MAGED1: variants seen among roughly 807,000 people sequenced by gnomAD.
MAGED1 encodes MAGE family member D1.
A neutral mutation model predicts 54.1 loss-of-function variants in MAGED1; 3 were observed. The ratio of observed to expected loss-of-function variants is 0.06; its 90% confidence interval spans 0.03 to 0.14. MAGED1 has a LOEUF of 0.14. Ranked by LOEUF, MAGED1 falls within the 10% of genes least tolerant of loss-of-function variation. The pLI is 1.00. For synonymous variants in MAGED1, 217 were observed against 227.3 expected, an observed-to-expected ratio of 0.95 and a Z score of 0.41; for missense variants, 485 against 623.4, an observed-to-expected ratio of 0.78 and a Z score of 2.36.
At chrX:51,854,586 G>A (rs1471732463) in intron 1 of MAGED1, among the ~76,000 whole-genome samples, 1 of 111,552 alleles carries the variant, frequency 9.0e-6, no homozygotes, top group Non-Finnish European at 1.9e-5. Flanking sequence ...AAAATGTTGG[G>A]CAAGTCAGCT....
At chrX:51,835,173 C>A (rs1926201882) in intron 1 of MAGED1, among the ~76,000 whole-genome samples, 1 of 111,264 alleles carries the variant, frequency 9.0e-6, no homozygotes, top group Admixed American at 9.6e-5. Flanking sequence ...TGTTAAATCC[C>A]AATAAAGCTG....
At chrX:51,839,378 C>G (rs1339350101) in intron 1 of MAGED1, among the ~76,000 whole-genome samples, 2 of 111,726 alleles carry the variant, frequency 1.8e-5, no homozygotes, top group African/African-American at 6.5e-5. Flanking sequence ...TCCTCCTGTC[C>G]TATGTGTACA....
chrX:51,817,314 C>G (rs902458172), intron 1 of MAGED1, among the ~76,000 whole-genome samples: 7 of 111,732 alleles, frequency 6.3e-5, no homozygotes, highest in African/African-American at 2.3e-4. Flanking sequence ...ATTAACAACC[C>G]AATTTGGCTT....
At chrX:51,852,078 A>G (rs1451624900) in intron 1 of MAGED1, among the ~76,000 whole-genome samples, 4 of 111,920 alleles carry the variant, frequency 3.6e-5, no homozygotes, top group African/African-American at 1.3e-4. Context: ...AGGGACCGCT[A>G]GAAAATAATC....
Position 51,894,326 on chromosome X carries a change from G to A in MAGED1, c.22G>A (p.Gly8Ser), listed in dbSNP as rs1928593361. Reference protein sequence around the residue: MAQKMDCGAGLLGFQAEA... With the variant: MAQKMDCSAGLLGFQAEA... ...AGCCATGGCTCAGAAAATGGACTGT[G>A]GTGCGGGCCTCCTCGGCTTCCAGGT... The change falls in exon 2 of 13, where the codon GGT becomes AGT. Residue 8 changes from glycine (G) to serine (S), a missense_variant. By Grantham distance (56) the Gly-to-Ser change is moderately conservative. Transcript: ENST00000326587. 1.7e-6 allele frequency: 2 copies of A among 1,201,436 alleles called. No homozygotes were observed. Among genetic ancestry groups the A allele is most frequent in the South Asian group, 1.8e-5 (1 of 55,062 alleles).
At chrX:51,877,676 T>A (rs1187468254) in intron 1 of MAGED1, among the ~76,000 whole-genome samples, 5 of 111,763 alleles carry the variant, frequency 4.5e-5, no homozygotes, top group African/African-American at 1.6e-4. Context: ...CACGTTATCA[T>A]AAAGAATTTT....
At chrX:51,831,629 TATAA>T (rs1162523121) in intron 1 of MAGED1, among the ~76,000 whole-genome samples, 1 of 111,490 alleles carries the variant, frequency 9.0e-6, no homozygotes, top group Non-Finnish European at 1.9e-5. Context: ...TAAATTAAAT[TATAA>T]ATAAATAAAT....
chrX:51,838,112 T>C (rs1466411554), intron 1 of MAGED1, among the ~76,000 whole-genome samples: 1 of 112,314 alleles, frequency 8.9e-6, no homozygotes, highest in Non-Finnish European at 1.9e-5. Flanking sequence ...CCCATGAGTT[T>C]TGTTGGCTGC....
intron 1 of MAGED1, among the ~76,000 whole-genome samples, chrX:51,806,650 T>C (rs1046583062): frequency 8.9e-6 from 1 of 112,032 alleles, no homozygotes; most frequent in African/African-American, 3.2e-5. Flanking sequence ...TACATGTCTT[T>C]TGGTGATATA....
chrX:51,846,563 C>T (rs1926693439), intron 1 of MAGED1, among the ~76,000 whole-genome samples: 1 of 111,513 alleles, frequency 9.0e-6, no homozygotes, highest in Non-Finnish European at 1.9e-5. Flanking sequence ...TAGAGAAATG[C>T]CTGAGACTGG....
intron 1 of MAGED1, among the ~76,000 whole-genome samples, chrX:51,815,015 C>T (rs1476139408): frequency 1.9e-5 from 2 of 104,705 alleles, no homozygotes; most frequent in Non-Finnish European, 3.9e-5. Flanking sequence ...TGGTGACGCA[C>T]GCCTGTGGTC....
intron 1 of MAGED1, among the ~76,000 whole-genome samples, chrX:51,824,059 A>G (rs1925740352): frequency 8.9e-6 from 1 of 111,797 alleles, no homozygotes; most frequent in Non-Finnish European, 1.9e-5. Context: ...AGCAACAACT[A>G]TATTTATACT....
intron 1 of MAGED1, among the ~76,000 whole-genome samples, chrX:51,888,467 G>T (rs1317616464): frequency 8.9e-6 from 1 of 112,026 alleles, no homozygotes; most frequent in Non-Finnish European, 1.9e-5. Flanking sequence ...ACTGACACCA[G>T]CAGATGCTAG....
intron 11 of MAGED1, among the ~76,000 whole-genome samples, chrX:51,900,776 C>T (rs1414714144): frequency 9.0e-6 from 1 of 110,875 alleles, no homozygotes; most frequent in South Asian, 3.9e-4. Flanking sequence ...ATTACAGGCA[C>T]GTGCCACCAC....
rs1022230027 is a variant in MAGED1, at chrX:51,836,163, C to T, written c.-37+33046C>T. On this transcript the variant is annotated intron_variant, in intron 1 of 12. Transcript: ENST00000375772. ...AAATGTCCTTGTCTGGTAACTCTAA[C>T]ATCTGCATCAATTCTTGGTTGGTTT... Among the ~76,000 whole-genome samples the T allele has an allele frequency of 2.8e-5, 3 of 109,090 alleles. No individual in the cohort carries two copies. The Admixed American group carries it at 2.9e-4, about 11-fold the overall frequency. The allele number at this position is 109,090 out of a possible 115,157, so 94.7% of individuals were successfully genotyped here.
intron 1 of MAGED1, among the ~76,000 whole-genome samples, chrX:51,832,205 T>C (rs192426425): frequency 9.9e-5 from 11 of 110,658 alleles, no homozygotes; most frequent in African/African-American, 3.3e-4. Flanking sequence ...AATTTTTGTA[T>C]TTTTAGTAGG....
chrX:51,900,509 T>G (rs974202798), intron 11 of MAGED1, among the ~76,000 whole-genome samples: 18 of 110,529 alleles, frequency 1.6e-4, no homozygotes, highest in African/African-American at 5.9e-4. Context: ...TTGTTTTGGG[T>G]TTTTTTTTAG....
intron 1 of MAGED1, chrX:51,857,491 C>G (rs1266673972): frequency 9.0e-6 from 1 of 111,399 alleles, no homozygotes; most frequent in Admixed American, 9.5e-5. Context: ...TGAGAGAATT[C>G]ATAGTGGAAA....
intron 1 of MAGED1, among the ~76,000 whole-genome samples, chrX:51,851,992 C>T (rs1306788909): frequency 3.6e-5 from 4 of 111,646 alleles, no homozygotes; most frequent in Non-Finnish European, 5.6e-5. Flanking sequence ...GTAGTTTAAA[C>T]CACACACTTT....
Sources: gnomAD v4.1 joint callset for allele counts (sites outside exome capture counted in the v4.1 genomes callset) on GRCh38, gnomAD v4.1.1 for gene constraint, MANE v1.5 for transcripts, NCBI Gene and HGNC (gene_info 2026-07-23, HGNC 2026-07-21) for gene names.